Variants in PRKG1 observed in about 807,000 individuals in gnomAD.
PRKG1 encodes the protein protein kinase cGMP-dependent 1.
In PRKG1, 35 loss-of-function variants were observed where a neutral mutation model predicts 88.1. The ratio of observed to expected loss-of-function variants is 0.40; its 90% CI spans 0.30 to 0.53. PRKG1 has a LOEUF of 0.53. Among genes scored for constraint, PRKG1 ranks in the 20% least tolerant of loss-of-function variants. The pLI, the probability that PRKG1 is intolerant of heterozygous loss-of-function variation, is 0.59. For missense variants in PRKG1, 540 were observed against 839.8 expected (o/e 0.64, Z 4.41); for synonymous variants, 303 against 292.5 (o/e 1.04, Z -0.37).
chr10:51,923,246 T>C (rs1842499858), intron 5 of PRKG1, among the ~76,000 whole-genome samples: 1 of 151,982 alleles, frequency 6.6e-6, no homozygotes, highest in African/African-American at 2.4e-5. Context: ...TAGTGTGATA[T>C]ATCTTTTTCC....
chr10:52,020,272 C>G (rs1811183314), intron 5 of PRKG1, among the ~76,000 whole-genome samples: 1 of 152,092 alleles, frequency 6.6e-6, no homozygotes, highest in Non-Finnish European at 1.5e-5. Flanking sequence ...TTAAATCTCC[C>G]TTCAACACAG....
intron 2 of PRKG1, among the ~76,000 whole-genome samples, chr10:51,277,845 G>T (rs1183833889): frequency 1.3e-5 from 2 of 152,210 alleles, no homozygotes; most frequent in Non-Finnish European, 2.9e-5. Context: ...AGCTTAAGGA[G>T]ATTTTGGGCT....
Position 51,515,448 on chromosome 10 carries a change from A to G in PRKG1, c.592+47612A>G, listed in dbSNP as rs111401713. ...AATAATATAATTCATGGTTGTGTCT[A>G]GTAGTAAAATCAGAATGAGACACGT... On this transcript the variant is annotated intron_variant, in intron 3 of 17. Transcript: ENST00000373980. 8.6e-3 allele frequency among the ~76,000 whole-genome samples: 1,310 copies of G among 152,320 alleles called. 13 individuals carry two copies. The highest frequency in any genetic ancestry group is 0.03 in the African/African-American group (1,237 of 41,568).
intron 4 of PRKG1, among the ~76,000 whole-genome samples, chr10:51,842,198 G>C (rs910860131): frequency 1.3e-5 from 2 of 152,142 alleles, no homozygotes; most frequent in African/African-American, 2.4e-5. Context: ...GGAGTGCTTT[G>C]GGGTAGGCAC....
upstream of PRKG1, among the ~76,000 whole-genome samples, chr10:51,073,831 G>A (rs997305733): frequency 5.3e-5 from 8 of 152,244 alleles, no homozygotes; most frequent in African/African-American, 1.7e-4. Context: ...CTTCGCAAGC[G>A]TTAGCCACCT....
intron 3 of PRKG1, among the ~76,000 whole-genome samples, chr10:51,543,537 T>C (rs962286152): frequency 4.6e-5 from 7 of 152,166 alleles, no homozygotes; most frequent in African/African-American, 1.7e-4. Flanking sequence ...ACCTGAAAGA[T>C]AAAGCTTCTA....
At chr10:51,031,542 G>A (rs1843283559) in intron 1 of PRKG1, among the ~76,000 whole-genome samples, 1 of 152,126 alleles carries the variant, frequency 6.6e-6, no homozygotes, top group Non-Finnish European at 1.5e-5. Flanking sequence ...AAAGAATGAG[G>A]AAGAAGGAAA....
At chr10:51,080,662 C>A (rs1229542944) in intron 1 of PRKG1, among the ~76,000 whole-genome samples, 1 of 152,192 alleles carries the variant, frequency 6.6e-6, no homozygotes, top group Non-Finnish European at 1.5e-5. Context: ...GCAGCATTTA[C>A]CAGTATGCTC....
At chr10:52,085,077 T>G (rs773345642) in intron 7 of PRKG1, among the ~76,000 whole-genome samples, 1 of 152,074 alleles carries the variant, frequency 6.6e-6, no homozygotes, top group Admixed American at 6.6e-5. Context: ...TCAAACACAT[T>G]AGGAACCACA....
At chr10:51,191,870 C>A (rs1387824339) in intron 2 of PRKG1, among the ~76,000 whole-genome samples, 1 of 151,722 alleles carries the variant, frequency 6.6e-6, no homozygotes, top group East Asian at 1.9e-4. Flanking sequence ...TTTTTCCAGC[C>A]TTCCTACTAG....
intron 5 of PRKG1, among the ~76,000 whole-genome samples, chr10:51,964,653 CCA>C (rs1451051820): frequency 6.6e-6 from 1 of 152,032 alleles, no homozygotes; most frequent in Non-Finnish European, 1.5e-5. Flanking sequence ...AATAGATGAT[CCA>C]GTTATCAAAT....
At chr10:51,234,275 T>C (rs1005612785) in intron 2 of PRKG1, among the ~76,000 whole-genome samples, 1 of 152,168 alleles carries the variant, frequency 6.6e-6, no homozygotes, top group Non-Finnish European at 1.5e-5. Flanking sequence ...CTTCTGCTTA[T>C]GGTTGGGGCC....
At chr10:51,941,227 A>G (rs1842900208) in intron 5 of PRKG1, among the ~76,000 whole-genome samples, 1 of 151,924 alleles carries the variant, frequency 6.6e-6, no homozygotes, top group Admixed American at 6.6e-5. Flanking sequence ...ACAAATTTAA[A>G]ATATTTGGAA....
At chr10:51,581,633 G>A (rs748576108) in intron 3 of PRKG1, among the ~76,000 whole-genome samples, 4 of 152,236 alleles carry the variant, frequency 2.6e-5, no homozygotes, top group African/African-American at 9.6e-5. Context: ...AGCACGTCAC[G>A]CGCTGCTGGC....
chr10:51,803,268 G>A (rs1374901056), intron 3 of PRKG1, among the ~76,000 whole-genome samples: 1 of 152,066 alleles, frequency 6.6e-6, no homozygotes, highest in Non-Finnish European at 1.5e-5. Flanking sequence ...ATGGAGCCAG[G>A]CACACACAAG....
chr10:51,826,523 A>G (rs1295328871), intron 4 of PRKG1, among the ~76,000 whole-genome samples: 1 of 152,172 alleles, frequency 6.6e-6, no homozygotes, highest in Non-Finnish European at 1.5e-5. Context: ...TACTGTGTTT[A>G]TTCCTTCACA....
intron 2 of PRKG1, among the ~76,000 whole-genome samples, chr10:51,353,043 G>A (rs1420222808): frequency 2.6e-5 from 4 of 152,074 alleles, no homozygotes; most frequent in African/African-American, 7.2e-5. Flanking sequence ...CATTCATTGG[G>A]GAAAAGACAG....
rs577947453 is a variant in PRKG1 at position 51,675,489 on chromosome 10, T to C, written c.593-129096T>C. Among the ~76,000 whole-genome samples, 3 of 152,268 alleles carry C rather than the reference T, an allele frequency of 2.0e-5. No individual in the cohort carries two copies. The East Asian group carries it at 5.8e-4, about 29-fold the overall frequency. Reference sequence around the variant, plus strand: ...ACACCATTAAGTCTAAAAAATAAGATTCCCTTTCAGGGTATTTGAGACACC... The same window carrying C: ...ACACCATTAAGTCTAAAAAATAAGACTCCCTTTCAGGGTATTTGAGACACC... On this transcript the variant is annotated intron_variant, in intron 3 of 17. Transcript: ENST00000373980.
intron 2 of PRKG1, among the ~76,000 whole-genome samples, chr10:51,347,181 G>C (rs1842132193): frequency 2.0e-5 from 3 of 151,408 alleles, no homozygotes; most frequent in Non-Finnish European, 2.9e-5. Flanking sequence ...GGATCAATAA[G>C]AGTCACTAGA....
Sources: gnomAD v4.1 joint callset for allele counts (sites outside exome capture counted in the v4.1 genomes callset) on GRCh38, gnomAD v4.1.1 for gene constraint, MANE v1.5 for transcripts, NCBI Gene and HGNC (gene_info 2026-07-23, HGNC 2026-07-21) for gene names.